The following PCYT1B variants were observed in gnomAD, a reference collection of about 807,000 sequenced individuals.
PCYT1B encodes phosphate cytidylyltransferase 1B, choline.
Under a neutral mutation model 26.4 loss-of-function variants are expected in PCYT1B, and 10 were observed. The ratio of observed to expected loss-of-function variants is 0.38; its 90% confidence interval spans 0.23 to 0.64. The LOEUF is 0.64. Among genes scored for constraint, PCYT1B ranks in the 30% least tolerant of loss-of-function variants. The pLI is 0.56. For synonymous variants in PCYT1B, 131 were observed against 108.4 expected (o/e 1.21, Z -1.29); for missense variants, 161 against 292.7 (o/e 0.55, Z 3.28).
At chrX:24,566,316 T>C (rs1485356538) in intron 7 of PCYT1B, among the ~76,000 whole-genome samples, 1 of 112,284 alleles carries the variant, frequency 8.9e-6, no homozygotes, top group Non-Finnish European at 1.9e-5. Flanking sequence ...AACTCCAAGA[T>C]GATATAATAA....
chrX:24,629,339 G>C (rs1234671961), intron 1 of PCYT1B, among the ~76,000 whole-genome samples: 1 of 109,212 alleles, frequency 9.2e-6, no homozygotes, highest in Non-Finnish European at 1.9e-5. Context: ...GCAGAGGCAG[G>C]CAGATCGCCT....
At chrX:24,571,188 AC>A (rs1923812075) in intron 7 of PCYT1B, among the ~76,000 whole-genome samples, 1 of 110,916 alleles carries the variant, frequency 9.0e-6, no homozygotes, top group African/African-American at 3.3e-5. Context: ...ACATGGTGAA[AC>A]CCCGTCTCTA....
At chrX:24,590,245 AAGGCTTCTT>A in intron 3 of PCYT1B, 71 bp from the exon 4 acceptor site, 1 of 972,642 alleles carries the variant, frequency 1.0e-6, no homozygotes, top group Non-Finnish European at 1.4e-6. Context: ...TGGTTCAGAC[AAGGCTTCTT>A]CAGCAGGACA....
At chrX:24,573,880 A>C (rs1923934628) in intron 7 of PCYT1B, among the ~76,000 whole-genome samples, 1 of 111,153 alleles carries the variant, frequency 9.0e-6, no homozygotes, top group Non-Finnish European at 1.9e-5. Flanking sequence ...TTGAAGGCTC[A>C]TGCAGTCCTT....
intron 2 of PCYT1B, among the ~76,000 whole-genome samples, chrX:24,614,657 T>C (rs1925426719): frequency 8.9e-6 from 1 of 112,571 alleles, no homozygotes; most frequent in African/African-American, 3.2e-5. Context: ...GGTAAATTGC[T>C]TACTACCCTT....
chrX:24,617,807 C>G lies in PCYT1B; in HGVS notation c.217+1178G>C, dbSNP rs1402803963. 3.6e-5 allele frequency among the ~76,000 whole-genome samples: 4 copies of G among 111,256 alleles called. No individual in the cohort carries two copies. In the East Asian group the frequency reaches 1.1e-3, roughly 31 times the overall value. ...TGTTCAACTAGTCTTATTTTTCACC[C>G]CATCCCAATCAACTAAAACAACACT... On this transcript the variant is annotated intron_variant, in intron 2 of 7. Coordinates refer to ENST00000379144, the MANE Select transcript of PCYT1B (RefSeq NM_004845.5).
intron 1 of PCYT1B, among the ~76,000 whole-genome samples, chrX:24,666,724 T>TA (rs1328272388): frequency 9.0e-6 from 1 of 110,656 alleles, no homozygotes; most frequent in Non-Finnish European, 1.9e-5. Context: ...AGGACTGATA[T>TA]AAAAAATATA....
chrX:24,562,242 C>T lies in PCYT1B; in HGVS notation c.*51G>A. Reference sequence around the variant, plus strand: ...ACACCACCCAGGCAACCCTGTGACTCTCGCCCTCCTCCCCATCCTGCATGG... The same window carrying T: ...ACACCACCCAGGCAACCCTGTGACTTTCGCCCTCCTCCCCATCCTGCATGG... On this transcript the variant is annotated 3_prime_UTR_variant, in exon 8 of 8. Coordinates refer to ENST00000379144, the MANE Select transcript of PCYT1B (RefSeq NM_004845.5). 1.7e-6 allele frequency: 2 copies of T among 1,167,422 alleles called. No individual in the cohort carries two copies. Among genetic ancestry groups the T allele is most frequent in the South Asian group, 2.0e-5 (1 of 50,649 alleles).
intron 1 of PCYT1B, among the ~76,000 whole-genome samples, chrX:24,642,125 G>A (rs181594330): frequency 5.2e-4 from 59 of 112,985 alleles, no homozygotes; most frequent in African/African-American, 1.9e-3. Context: ...TCAGCATCCT[G>A]GCATGCTTCC....
At chrX:24,649,665 C>G (rs1926724086), upstream of PCYT1B, among the ~76,000 whole-genome samples, 1 of 111,846 alleles carries the variant, frequency 8.9e-6, no homozygotes, top group South Asian at 3.8e-4. Flanking sequence ...AACTCTTGTC[C>G]AAGAGCCTAG....
chrX:24,670,092 GAAAGAAAGA>G (rs1569261833), intron 1 of PCYT1B, among the ~76,000 whole-genome samples: 7 of 90,269 alleles, frequency 7.8e-5, no homozygotes, highest in African/African-American at 2.4e-4. Context: ...AAGAAAGAAA[GAAAGAAAGA>G]AAGAAAGAAA....
chrX:24,623,423 G>A (rs1925769658), intron 1 of PCYT1B, among the ~76,000 whole-genome samples: 1 of 101,933 alleles, frequency 9.8e-6, no homozygotes, highest in Non-Finnish European at 2.0e-5. Flanking sequence ...GGGTACATGT[G>A]CACAACGTGT....
intron 6 of PCYT1B, among the ~76,000 whole-genome samples, chrX:24,576,716 G>C (rs1362441521): frequency 9.0e-6 from 1 of 111,326 alleles, no homozygotes; most frequent in Non-Finnish European, 1.9e-5. Flanking sequence ...TGAGCTATGT[G>C]TGTTGCTACT....
intron 1 of PCYT1B, among the ~76,000 whole-genome samples, chrX:24,665,379 C>T (rs938693099): frequency 1.8e-5 from 2 of 109,315 alleles, no homozygotes; most frequent in African/African-American, 6.7e-5. Context: ...CAACCTCTGC[C>T]TCCTGGGTTC....
chrX:24,593,126 T>C (rs1987471543), intron 3 of PCYT1B, among the ~76,000 whole-genome samples: 1 of 111,648 alleles, frequency 9.0e-6, no homozygotes, highest in Non-Finnish European at 1.9e-5. Flanking sequence ...CTTATTTAGT[T>C]TTATTGTTGG....
intron 3 of PCYT1B, among the ~76,000 whole-genome samples, chrX:24,595,447 C>T (rs1924743351): frequency 9.0e-6 from 1 of 110,650 alleles, no homozygotes; most frequent in Admixed American, 9.7e-5. Context: ...GAATCTGCTC[C>T]CTTCTAGTAA....
At chrX:24,584,081 T>A (rs61761920) in intron 5 of PCYT1B, among the ~76,000 whole-genome samples, 336 of 112,016 alleles carry the variant, frequency 3.0e-3, no homozygotes, top group Non-Finnish European at 4.8e-3. Flanking sequence ...ATAGCTATAA[T>A]CCCAGCACTT....
At chrX:24,575,532 AG>A (rs1278664999) in intron 6 of PCYT1B, among the ~76,000 whole-genome samples, 10 of 112,631 alleles carry the variant, frequency 8.9e-5, no homozygotes, top group Non-Finnish European at 1.5e-4. Context: ...GGATATGTAA[AG>A]GGAACTACAA....
chrX:24,595,236 A>G (rs868751687), intron 3 of PCYT1B, among the ~76,000 whole-genome samples: 1 of 109,105 alleles, frequency 9.2e-6, no homozygotes, highest in Non-Finnish European at 1.9e-5. Flanking sequence ...AGCCAGAGCA[A>G]CTTGAGGGGT....
Sources: allele counts gnomAD v4.1 joint callset (sites outside exome capture counted in the v4.1 genomes callset), GRCh38; gene constraint gnomAD v4.1.1; transcripts MANE v1.5; gene names NCBI Gene and HGNC (gene_info 2026-07-23, HGNC 2026-07-21).